The following CNTNAP2 variants were observed in gnomAD, a reference collection of about 807,000 sequenced individuals.
CNTNAP2 encodes the protein contactin-associated protein-like 2.
Under a neutral mutation model 155.2 loss-of-function variants are expected in CNTNAP2, and 98 were observed. That is an observed-to-expected ratio of 0.63 (90% CI 0.54 to 0.75). The LOEUF (loss-of-function observed/expected upper bound fraction) is 0.75. Ranked by LOEUF, CNTNAP2 falls within the 30% of genes least tolerant of loss-of-function variation. The pLI is 0.00. For synonymous variants in CNTNAP2, 651 were observed against 631.2 expected, an observed-to-expected ratio of 1.03 and a Z score of -0.47; for missense variants, 1,727 against 1,688.1, an observed-to-expected ratio of 1.02 and a Z score of -0.40.
At chr7:146,796,514 T>TCCA (rs1272158729) in intron 2 of CNTNAP2, among the ~76,000 whole-genome samples, 1 of 152,152 alleles carries the variant, frequency 6.6e-6, no homozygotes, top group Non-Finnish European at 1.5e-5. Flanking sequence ...TGTCAGTAAT[T>TCCA]CCACCCATAT....
At chr7:146,422,955 C>A (rs922855109) in intron 1 of CNTNAP2, among the ~76,000 whole-genome samples, 1 of 152,144 alleles carries the variant, frequency 6.6e-6, no homozygotes, top group Non-Finnish European at 1.5e-5. Flanking sequence ...AAGACATTTT[C>A]TGTCTTCAGC....
intron 1 of CNTNAP2, among the ~76,000 whole-genome samples, chr7:146,287,663 A>C (rs1800358477): frequency 6.6e-6 from 1 of 152,188 alleles, no homozygotes. Flanking sequence ...TTACATACAC[A>C]GATACTGCCT....
chr7:147,455,774 A>G (rs1449434685), intron 10 of CNTNAP2, among the ~76,000 whole-genome samples: 4 of 152,180 alleles, frequency 2.6e-5, no homozygotes, highest in Non-Finnish European at 5.9e-5. Flanking sequence ...AAAGTCTTCA[A>G]TAAAATAACA....
At chr7:147,886,212 C>A (rs1478888538) in intron 13 of CNTNAP2, among the ~76,000 whole-genome samples, 1 of 152,098 alleles carries the variant, frequency 6.6e-6, no homozygotes, top group Non-Finnish European at 1.5e-5. Context: ...GTGGCTCACG[C>A]CTGTAATCCT....
chr7:146,745,484 A>G (rs1407703350), intron 1 of CNTNAP2, among the ~76,000 whole-genome samples: 1 of 152,162 alleles, frequency 6.6e-6, no homozygotes, highest in African/African-American at 2.4e-5. Context: ...TTGCCATCTT[A>G]AAAGTCTGTT....
intron 13 of CNTNAP2, among the ~76,000 whole-genome samples, chr7:147,691,370 A>G (rs1039273430): frequency 3.9e-5 from 6 of 152,158 alleles, no homozygotes; most frequent in Non-Finnish European, 8.8e-5. Flanking sequence ...TTTCCATGGT[A>G]TAAATATTCC....
Position 148,118,311 on chromosome 7 carries a change from C to T in CNTNAP2, c.2554+23C>T, listed in dbSNP as rs566406791. On this transcript the variant is annotated intron_variant, in intron 16 of 23. Transcript: ENST00000361727. ...AGTGTGAGTATAAGTTGCTTGTCAA[C>T]TCATGGGGAGCCACTTTCGTCACCT... The T allele has an allele frequency of 1.9e-6, 3 of 1,613,718 alleles. No homozygotes were observed. The East Asian group carries it at 6.7e-5, about 36-fold the overall frequency.
At chr7:147,495,230 C>T (rs2116656330) in intron 11 of CNTNAP2, among the ~76,000 whole-genome samples, 1 of 152,300 alleles carries the variant, frequency 6.6e-6, no homozygotes, top group Middle Eastern at 3.4e-3. Flanking sequence ...AGGAACGGAA[C>T]TCTGAGCTAA....
chr7:146,667,441 A>T (rs1384619610), intron 1 of CNTNAP2, among the ~76,000 whole-genome samples: 1 of 151,490 alleles, frequency 6.6e-6, no homozygotes, highest in Non-Finnish European at 1.5e-5. Context: ...TTTGTTCAGG[A>T]TTTATTTGGC....
intron 8 of CNTNAP2, among the ~76,000 whole-genome samples, chr7:147,141,066 C>T (rs1801582525): frequency 6.6e-6 from 1 of 152,130 alleles, no homozygotes; most frequent in Non-Finnish European, 1.5e-5. Flanking sequence ...AATTATCTTG[C>T]TATGGCTCCA....
chr7:147,118,959 C>T (rs567604545), intron 5 of CNTNAP2, among the ~76,000 whole-genome samples: 8 of 152,178 alleles, frequency 5.3e-5, no homozygotes, highest in East Asian at 1.9e-4. Context: ...CTTCTAATAA[C>T]GAACGTGTAT....
At chr7:146,483,114 A>C (rs551966959) in intron 1 of CNTNAP2, among the ~76,000 whole-genome samples, 2 of 150,482 alleles carry the variant, frequency 1.3e-5, no homozygotes, top group African/African-American at 4.9e-5. Context: ...GTCTCTACTA[A>C]AAATACAAAA....
chr7:147,119,644 A>G (rs1193477098), intron 5 of CNTNAP2, among the ~76,000 whole-genome samples: 1 of 152,148 alleles, frequency 6.6e-6, no homozygotes, highest in Non-Finnish European at 1.5e-5. Context: ...TCACCATAAA[A>G]GAAGAAAATA....
intron 10 of CNTNAP2, among the ~76,000 whole-genome samples, chr7:147,403,286 A>T (rs1174902102): frequency 6.6e-6 from 1 of 152,170 alleles, no homozygotes; most frequent in Non-Finnish European, 1.5e-5. Flanking sequence ...ACCAACATAC[A>T]TCTTACATAT....
intron 8 of CNTNAP2, among the ~76,000 whole-genome samples, chr7:147,282,052 A>C (rs992329093): frequency 6.6e-6 from 1 of 151,804 alleles, no homozygotes; most frequent in African/African-American, 2.4e-5. Context: ...ACCAAGAGTG[A>C]CTTAATTCGC....
intron 1 of CNTNAP2, among the ~76,000 whole-genome samples, chr7:146,144,188 G>A (rs1797923258): frequency 6.6e-6 from 1 of 152,022 alleles, no homozygotes. Context: ...GCCTGGCTTT[G>A]TTGCCCCAGC....
At chr7:146,502,716 A>G (rs1406870499) in intron 1 of CNTNAP2, among the ~76,000 whole-genome samples, 1 of 152,102 alleles carries the variant, frequency 6.6e-6, no homozygotes, top group African/African-American at 2.4e-5. Context: ...GGTTCAAGCA[A>G]TTCTCATGTC....
intron 10 of CNTNAP2, among the ~76,000 whole-genome samples, chr7:147,484,230 T>A (rs1362005420): frequency 6.6e-6 from 1 of 152,166 alleles, no homozygotes; most frequent in East Asian, 1.9e-4. Flanking sequence ...GTCTATTAAA[T>A]TTAGGGTGAA....
intron 18 of CNTNAP2, among the ~76,000 whole-genome samples, chr7:148,195,233 G>A (rs1465901275): frequency 6.6e-6 from 1 of 152,180 alleles, no homozygotes; most frequent in African/African-American, 2.4e-5. Context: ...TGTATTGTCA[G>A]TCTCCAGCAC....
Sources: allele counts gnomAD v4.1 joint callset (sites outside exome capture counted in the v4.1 genomes callset), GRCh38; gene constraint gnomAD v4.1.1; transcripts MANE v1.5; gene names NCBI Gene and HGNC (gene_info 2026-07-23, HGNC 2026-07-21).